NKAIN2: variants seen among roughly 807,000 people sequenced by gnomAD.
The protein encoded by NKAIN2 is sodium/potassium transporting ATPase interacting 2, also known as sodium/potassium-transporting ATPase subunit beta-1-interacting protein 2.
In NKAIN2, 14 loss-of-function variants were observed where a neutral mutation model predicts 32.6. That is an observed-to-expected ratio of 0.43 (90% CI 0.28 to 0.67). NKAIN2 has a LOEUF of 0.67. Among genes scored for constraint, NKAIN2 ranks in the 30% least tolerant of loss-of-function variants. The probability of loss-of-function intolerance (pLI) is 0.17; values close to 1 mark genes in which losing one functional copy is unlikely to be tolerated. For missense variants in NKAIN2, 198 were observed against 258.3 expected, an observed-to-expected ratio of 0.77 and a Z score of 1.60; for synonymous variants, 80 against 87.2, an observed-to-expected ratio of 0.92 and a Z score of 0.46.
chr6:124,209,917 G>T (rs917449847), intron 1 of NKAIN2, among the ~76,000 whole-genome samples: 14 of 151,682 alleles, frequency 9.2e-5, no homozygotes, highest in African/African-American at 3.1e-4. Context: ...TCACTTTTTT[G>T]ATTGCTTCCT....
At chr6:124,139,108 G>T (rs1396271066) in intron 1 of NKAIN2, among the ~76,000 whole-genome samples, 2 of 48,342 alleles carry the variant, frequency 4.1e-5, no homozygotes, top group African/African-American at 2.1e-4. Context: ...TTGAGACGGA[G>T]TCTCGCTCTG....
intron 1 of NKAIN2, among the ~76,000 whole-genome samples, chr6:124,020,222 G>A (rs1468348133): frequency 6.6e-6 from 1 of 151,946 alleles, no homozygotes; most frequent in African/African-American, 2.4e-5. Context: ...TGTGAAAATG[G>A]GTCATTCTGT....
intron 1 of NKAIN2, among the ~76,000 whole-genome samples, chr6:124,080,759 T>C (rs1025944822): frequency 1.3e-5 from 2 of 152,210 alleles, no homozygotes; most frequent in South Asian, 2.1e-4. Context: ...AAGATCTTTA[T>C]AGAAGGCCTT....
chr6:124,046,197 C>CAT (rs1782117408), intron 1 of NKAIN2, among the ~76,000 whole-genome samples: 1 of 151,860 alleles, frequency 6.6e-6, no homozygotes, highest in Non-Finnish European at 1.5e-5. Context: ...AGTCTTTTTA[C>CAT]ATATATATGC....
chr6:123,989,753 C>T (rs1219672685), intron 1 of NKAIN2, among the ~76,000 whole-genome samples: 1 of 151,972 alleles, frequency 6.6e-6, no homozygotes, highest in Non-Finnish European at 1.5e-5. Flanking sequence ...GATACAATTC[C>T]TTGTTGCAGA....
intron 5 of NKAIN2, among the ~76,000 whole-genome samples, chr6:124,807,282 A>C (rs1206775294): frequency 2.0e-5 from 3 of 152,224 alleles, no homozygotes; most frequent in African/African-American, 7.2e-5. Flanking sequence ...AAATTATAAC[A>C]AACTATCTCT....
At chr6:124,667,108 C>A (rs1484723083) in intron 4 of NKAIN2, among the ~76,000 whole-genome samples, 1 of 152,108 alleles carries the variant, frequency 6.6e-6, no homozygotes, top group Non-Finnish European at 1.5e-5. Flanking sequence ...TAGTTCACCA[C>A]TATCCTACAC....
At chr6:124,193,263 G>A (rs1332737788) in intron 1 of NKAIN2, among the ~76,000 whole-genome samples, 3 of 152,194 alleles carry the variant, frequency 2.0e-5, no homozygotes, top group Non-Finnish European at 2.9e-5. Flanking sequence ...ACTACCAGCC[G>A]GGATCTCATG....
In NKAIN2 at chr6:124,474,830, TTACA is replaced by T. The variant is rs563950553; in HGVS notation, c.273+119490_273+119493del. On this transcript the variant is annotated intron_variant, in intron 3 of 6. Coordinates refer to ENST00000368417, the MANE Select transcript of NKAIN2 (RefSeq NM_001040214.3). Reference sequence around the variant, plus strand: ...CATATTAGATATATACATATATATTTTACATACATATATAATATATACATATATA... The same window carrying T: ...CATATTAGATATATACATATATATTTTACATATATAATATATACATATATA... 7.6e-3 allele frequency among the ~76,000 whole-genome samples: 1,124 copies of T among 147,292 alleles called. 15 individuals carry two copies. Among genetic ancestry groups the T allele is most frequent in the African/African-American group, 0.027 (1,078 of 40,488 alleles).
chr6:124,084,485 A>G (rs902872896), intron 1 of NKAIN2, among the ~76,000 whole-genome samples: 2 of 151,996 alleles, frequency 1.3e-5, no homozygotes, highest in East Asian at 3.9e-4. Context: ...GTATGTTCAC[A>G]TGAGAATGAA....
intron 4 of NKAIN2, among the ~76,000 whole-genome samples, chr6:124,729,126 A>G (rs1173702841): frequency 1.3e-5 from 2 of 152,332 alleles, no homozygotes; most frequent in South Asian, 2.1e-4. Flanking sequence ...TTCTACCAGA[A>G]GTATGAGGAG....
At chr6:123,862,966 A>G (rs1225014156) in intron 1 of NKAIN2, among the ~76,000 whole-genome samples, 1 of 152,200 alleles carries the variant, frequency 6.6e-6, no homozygotes, top group Non-Finnish European at 1.5e-5. Flanking sequence ...GCAGGTAGCC[A>G]ATGAGTAATT....
chr6:124,123,886 TTG>T (rs1786016228), intron 1 of NKAIN2, among the ~76,000 whole-genome samples: 1 of 151,758 alleles, frequency 6.6e-6, no homozygotes, highest in African/African-American at 2.4e-5. Flanking sequence ...TTAAGAGACA[TTG>T]AGAGAGAGAG....
At chr6:123,854,295 G>A (rs573602382) in intron 1 of NKAIN2, among the ~76,000 whole-genome samples, 353 of 152,264 alleles carry the variant, frequency 2.3e-3, no homozygotes, top group African/African-American at 8.1e-3. Flanking sequence ...ACATAAGGCA[G>A]AGCAATCAAA....
intron 4 of NKAIN2, among the ~76,000 whole-genome samples, chr6:124,725,874 G>A (rs1448470270): frequency 6.6e-6 from 1 of 152,228 alleles, no homozygotes; most frequent in East Asian, 1.9e-4. Context: ...CCAAAGCAGG[G>A]CGAGGCATTG....
rs114126210 is a variant in NKAIN2 at position 124,611,492 on chromosome 6, T to A, written c.274-46694T>A. On this transcript the variant is annotated intron_variant, in intron 3 of 6. Coordinates refer to ENST00000368417, the MANE Select transcript of NKAIN2 (RefSeq NM_001040214.3). ...CATCATCTAAGTTTTAAGCCCTGCA[T>A]GCATTAAGTATTTGTCCTAATGCTC... is the stretch of plus-strand genomic sequence containing the variant. Among the ~76,000 whole-genome samples the A allele has an allele frequency of 6.8e-3, 1,035 of 152,242 alleles. 19 individuals carry two copies. Among genetic ancestry groups the A allele is most frequent in the African/African-American group, 0.023 (960 of 41,542 alleles).
chr6:124,430,303 A>G (rs1775160580), intron 3 of NKAIN2, among the ~76,000 whole-genome samples: 1 of 152,232 alleles, frequency 6.6e-6, no homozygotes, highest in Non-Finnish European at 1.5e-5. Flanking sequence ...CTTTGTGCAT[A>G]TGAGCACATG....
intron 1 of NKAIN2, among the ~76,000 whole-genome samples, chr6:123,811,427 G>T (rs1486670779): frequency 1.4e-5 from 1 of 70,260 alleles, no homozygotes; most frequent in East Asian, 9.7e-4. Context: ...GGTTGTGGGG[G>T]GGTGGGGGAG....
chr6:124,064,484 T>G (rs111927086), intron 1 of NKAIN2, among the ~76,000 whole-genome samples: 2,154 of 149,044 alleles, frequency 0.014, 35 homozygotes, highest in East Asian at 0.041. Flanking sequence ...ATTCTGTGGG[T>G]TTTTTTTTTC....
Sources: gnomAD v4.1 joint callset for allele counts (sites outside exome capture counted in the v4.1 genomes callset) on GRCh38, gnomAD v4.1.1 for gene constraint, MANE v1.5 for transcripts, NCBI Gene and HGNC (gene_info 2026-07-23, HGNC 2026-07-21) for gene names.